POTEB2: variants seen among roughly 807,000 people sequenced by gnomAD.
POTEB2 encodes POTE ankyrin domain family member B2.
Under a neutral mutation model 1.8 loss-of-function variants are expected in POTEB2, and 1 was observed. The ratio of observed to expected loss-of-function variants is 0.55; its 90% CI spans 0.20 to 2.62. The LOEUF is 2.62. POTEB2 is among the 30% of genes most tolerant of loss of function. The probability of loss-of-function intolerance (pLI) is 0.24; values close to 1 mark genes in which losing one functional copy is unlikely to be tolerated.
chr15:20,839,220 T>G (rs1595298301), intron 9 of POTEB2, among the ~76,000 whole-genome samples: 1 of 117,532 alleles, frequency 8.5e-6, no homozygotes, highest in Non-Finnish European at 1.7e-5. Context: ...TAAAAATAAA[T>G]AAATAAATAA....
intron 6 of POTEB2, among the ~76,000 whole-genome samples, chr15:20,852,646 T>G (rs879026168): frequency 8.8e-4 from 39 of 44,324 alleles, no homozygotes; most frequent in Middle Eastern, 0.011. Context: ...TCACTCTGCA[T>G]GCTTACTTTG....
At chr15:20,839,044 C>T (rs1889403429) in intron 9 of POTEB2, among the ~76,000 whole-genome samples, 1 of 34,830 alleles carries the variant, frequency 2.9e-5, no homozygotes, top group South Asian at 1.4e-3. Flanking sequence ...ACAAATGGTG[C>T]TGGGAAAAAA....
Position 20,860,440 on chromosome 15 carries a change from AAC to A in POTEB2, c.699+600_699+601del, listed in dbSNP as rs1272186069. On this transcript the variant is annotated intron_variant, in intron 3 of 10. Transcript: ENST00000454856. ...ACACACACACACACACACACACACAAACAAAAACAAAAACAAAAACAAAAAAA... is the reference window on the plus strand; with the variant it reads ...ACACACACACACACACACACACACAAAAAAACAAAAACAAAAACAAAAAAA... 2.2e-3 allele frequency among the ~76,000 whole-genome samples: 63 copies of A among 28,750 alleles called. 12 individuals are homozygous for A. The highest frequency in any genetic ancestry group is 0.012 in the African/African-American group (61 of 5,006). 18.9% of individuals were successfully genotyped at this position (28,750 alleles called of 152,430 possible).
intron 9 of POTEB2, among the ~76,000 whole-genome samples, chr15:20,839,920 A>ATATG (rs1555393685): frequency 2.8e-5 from 3 of 106,336 alleles, no homozygotes; most frequent in Non-Finnish European, 5.5e-5. Flanking sequence ...ATATATATAT[A>ATATG]TATGTATGTA....
intron 9 of POTEB2, among the ~76,000 whole-genome samples, chr15:20,843,442 G>T (rs1889469576): frequency 3.7e-5 from 1 of 27,126 alleles, no homozygotes; most frequent in African/African-American, 1.9e-4. Flanking sequence ...AAAAGCCTGA[G>T]GGAGTGAGGT....
intron 9 of POTEB2, among the ~76,000 whole-genome samples, chr15:20,839,212 AAAATAAAT>A (rs369986769): frequency 8.8e-6 from 1 of 114,210 alleles, no homozygotes; most frequent in African/African-American, 4.0e-5. Context: ...AACAAAAATA[AAAATAAAT>A]AAATAAATAA....
chr15:20,858,767 CTAGA>C (rs1297555643), intron 3 of POTEB2, among the ~76,000 whole-genome samples: 1 of 22,740 alleles, frequency 4.4e-5, no homozygotes, highest in African/African-American at 2.5e-4. Flanking sequence ...AGATTGTTAA[CTAGA>C]TAGATAATCA....
At chr15:20,860,434 C>A (rs868091446) in intron 3 of POTEB2, among the ~76,000 whole-genome samples, 956 of 45,640 alleles carry the variant, frequency 0.021, 127 homozygotes, top group African/African-American at 0.081. Context: ...CACACACACA[C>A]ACACAAACAA....
At chr15:20,836,416 C>CACACACACAT (rs1349210388) in intron 10 of POTEB2, among the ~76,000 whole-genome samples, 9 of 83,258 alleles carry the variant, frequency 1.1e-4, no homozygotes, top group African/African-American at 3.9e-4. Context: ...CACACACACA[C>CACACACACAT]ATATATATAT....
chr15:20,836,546 A>G (rs1319333747), intron 10 of POTEB2, among the ~76,000 whole-genome samples: 144 of 22,480 alleles, frequency 6.4e-3, no homozygotes, highest in East Asian at 0.041. Context: ...TCAAAATACA[A>G]ATGGTAAATA....
intron 9 of POTEB2, among the ~76,000 whole-genome samples, chr15:20,839,867 A>ATT (rs1325816887): frequency 2.1e-3 from 2 of 964 alleles, no homozygotes; most frequent in Non-Finnish European, 2.9e-3. Context: ...AATAAAGAAA[A>ATT]TTATATATAT....
In POTEB2 at chr15:20,860,772, G is replaced by GA. The variant is rs372677228; in HGVS notation, c.699+269dup. ...AAAAAAAACTTGGCAGGGAAAAATTGAAAAAAAAAAAAGTATTACCTTTTA... is the reference window on the plus strand; with the variant it reads ...AAAAAAAACTTGGCAGGGAAAAATTGAAAAAAAAAAAAAGTATTACCTTTTA... On this transcript the variant is annotated intron_variant, in intron 3 of 10. Coordinates refer to ENST00000454856, the MANE Select transcript of POTEB2 (RefSeq NM_001277303.1). Among the ~76,000 whole-genome samples the GA allele has an allele frequency of 1.6e-3, 29 of 17,890 alleles. 9 individuals carry two copies. The highest frequency in any genetic ancestry group is 3.0e-3 in the South Asian group (1 of 338). 11.7% of individuals were successfully genotyped at this position (17,890 alleles called of 152,430 possible). A position where few individuals can be genotyped will look rare whatever the true frequency, so the allele number is the denominator to read the frequency against.
intron 10 of POTEB2, among the ~76,000 whole-genome samples, chr15:20,836,489 G>A (rs1307132413): frequency 4.1e-5 from 2 of 49,202 alleles, no homozygotes; most frequent in African/African-American, 1.5e-4. Context: ...CACAAAATCA[G>A]TTGCTTCTGT....
chr15:20,852,787 TA>T (rs1889567264), intron 6 of POTEB2, among the ~76,000 whole-genome samples: 1 of 113,036 alleles, frequency 8.8e-6, no homozygotes, highest in Non-Finnish European at 1.9e-5. Context: ...AATAAAGTAG[TA>T]AAATAATAAA....
intron 9 of POTEB2, among the ~76,000 whole-genome samples, chr15:20,839,157 T>C (rs1409526595): frequency 1.1e-5 from 1 of 91,338 alleles, no homozygotes; most frequent in African/African-American, 5.4e-5. Flanking sequence ...CAGAAGACAT[T>C]AGCCTAGGCA....
chr15:20,839,210 TAA>T (rs1411719229), intron 9 of POTEB2, among the ~76,000 whole-genome samples: 42 of 116,362 alleles, frequency 3.6e-4, no homozygotes, highest in East Asian at 1.7e-3. Context: ...GCAACAAAAA[TAA>T]AAATAAATAA....
intron 9 of POTEB2, among the ~76,000 whole-genome samples, chr15:20,839,291 C>G (rs1361795583): frequency 9.6e-6 from 1 of 104,286 alleles, no homozygotes; most frequent in Non-Finnish European, 1.8e-5. Context: ...AAATAATCAT[C>G]AAAGTGAGCC....
At chr15:20,839,413 CA>C (rs1452508825) in intron 9 of POTEB2, among the ~76,000 whole-genome samples, 1 of 46,536 alleles carries the variant, frequency 2.1e-5, no homozygotes, top group East Asian at 1.0e-3. Context: ...CAAACAATTC[CA>C]TTAAAAAGTG....
At chr15:20,862,955 T>C (rs1190186237) in intron 1 of POTEB2, among the ~76,000 whole-genome samples, 1 of 28,566 alleles carries the variant, frequency 3.5e-5, no homozygotes, top group Non-Finnish European at 5.6e-5. Flanking sequence ...ACCCAAGTCT[T>C]ATACATTTTC....
Sources: gnomAD v4.1 joint callset for allele counts (sites outside exome capture counted in the v4.1 genomes callset) on GRCh38, gnomAD v4.1.1 for gene constraint, MANE v1.5 for transcripts, NCBI Gene and HGNC (gene_info 2026-07-23, HGNC 2026-07-21) for gene names.